Variants in TTC39C observed in about 807,000 individuals in gnomAD.
TTC39C encodes tetratricopeptide repeat protein 39C.
A neutral mutation model predicts 76.3 loss-of-function variants in TTC39C; 33 were observed. The observed-to-expected ratio is 0.43, with a 90% CI of 0.33 to 0.58. The LOEUF (loss-of-function observed/expected upper bound fraction) is 0.58. TTC39C is among the 20% of genes least tolerant of loss of function. The pLI, the probability that TTC39C is intolerant of heterozygous loss-of-function variation, is 0.04. For synonymous variants in TTC39C, 254 were observed against 260.6 expected, an observed-to-expected ratio of 0.97 and a Z score of 0.24; for missense variants, 595 against 701.4, an observed-to-expected ratio of 0.85 and a Z score of 1.71.
chr18:24,000,403 G>C (rs750678191), intron 1 of TTC39C: 10 of 152,258 alleles, frequency 6.6e-5, no homozygotes, highest in Non-Finnish European at 1.5e-4. Flanking sequence ...CAAGGAGAGA[G>C]GCCTGGAACA....
rs2145677086 is a variant in TTC39C at position 24,031,814 on chromosome 18, C to G, written c.167+16776C>G. ...TGGTCCTCCAAAAGGTATCTACTTC[C>G]TAATCTCTAGAATCTCTCAGTGCTA... On this transcript the variant is annotated intron_variant, in intron 1 of 13. Transcript: ENST00000317571. Among the ~76,000 whole-genome samples the G allele has an allele frequency of 2.0e-5, 3 of 152,236 alleles. No homozygotes were observed. The South Asian group carries it at 6.2e-4, about 32-fold the overall frequency.
intron 1 of TTC39C, 72 bp downstream of exon 1, chr18:24,015,110 C>G: frequency 7.5e-7 from 1 of 1,325,644 alleles, no homozygotes; most frequent in East Asian, 3.1e-5. Context: ...CCTCGACCTG[C>G]GGCCCCCGGG....
chr18:24,065,535 A>C (rs1283560049), intron 2 of TTC39C, among the ~76,000 whole-genome samples: 3 of 152,238 alleles, frequency 2.0e-5, no homozygotes, highest in African/African-American at 7.2e-5. Flanking sequence ...ATTCCTTATA[A>C]GTGAACCTAC....
intron 6 of TTC39C, among the ~76,000 whole-genome samples, chr18:24,112,598 G>C (rs1248279054): frequency 6.6e-6 from 1 of 152,020 alleles, no homozygotes. Flanking sequence ...CCTGTCCCTG[G>C]CACATAGCGG....
intron 6 of TTC39C, among the ~76,000 whole-genome samples, chr18:24,083,559 C>T (rs970349992): frequency 2.6e-5 from 4 of 152,146 alleles, no homozygotes; most frequent in African/African-American, 7.2e-5. Flanking sequence ...CTCAGTACTG[C>T]GTTAAGAACT....
intron 1 of TTC39C, among the ~76,000 whole-genome samples, chr18:24,037,286 G>A (rs1364706670): frequency 6.6e-6 from 1 of 152,146 alleles, no homozygotes; most frequent in African/African-American, 2.4e-5. Context: ...TTACTGTATT[G>A]TGTAAAGTGA....
chr18:24,013,184 T>C (rs139796600), upstream of TTC39C: 5 of 152,340 alleles, frequency 3.3e-5, no homozygotes, highest in East Asian at 1.9e-4. Flanking sequence ...TCAGACAGCA[T>C]GAATGCAGTG....
intron 1 of TTC39C, among the ~76,000 whole-genome samples, chr18:24,040,736 C>G (rs2083782889): frequency 6.6e-6 from 1 of 152,128 alleles, no homozygotes; most frequent in Admixed American, 6.5e-5. Flanking sequence ...CTAGCGCGCT[C>G]TCTCTCTGAC....
chr18:24,068,052 C>T (rs1364344499), intron 3 of TTC39C, among the ~76,000 whole-genome samples: 1 of 152,150 alleles, frequency 6.6e-6, no homozygotes, highest in Non-Finnish European at 1.5e-5. Flanking sequence ...GAGCTTTCTA[C>T]AGTGCATAGT....
chr18:24,058,111 G>A (rs2084040389), intron 1 of TTC39C, among the ~76,000 whole-genome samples: 1 of 152,172 alleles, frequency 6.6e-6, no homozygotes, highest in African/African-American at 2.4e-5. Flanking sequence ...GCTAAACACT[G>A]AGTGCACTTG....
chr18:24,046,280 T>C (rs2083884402), intron 1 of TTC39C, among the ~76,000 whole-genome samples: 1 of 151,718 alleles, frequency 6.6e-6, no homozygotes, highest in African/African-American at 2.4e-5. Flanking sequence ...ACTTCTTACT[T>C]GTATCCTGCC....
intron 1 of TTC39C, among the ~76,000 whole-genome samples, chr18:23,997,583 A>G (rs1388577750): frequency 4.0e-5 from 6 of 148,426 alleles, no homozygotes; most frequent in Non-Finnish European, 7.4e-5. Flanking sequence ...AAAGAGAAAG[A>G]AAGAAAGAAA....
intron 6 of TTC39C, among the ~76,000 whole-genome samples, chr18:24,089,687 T>C (rs2084493744): frequency 6.6e-6 from 1 of 152,190 alleles, no homozygotes; most frequent in South Asian, 2.1e-4. Context: ...CCTAAGCTTA[T>C]TATGTGTGCC....
In TTC39C at chr18:24,015,518, G is replaced by T. The variant is rs544492700; in HGVS notation, c.167+480G>T. Among the ~76,000 whole-genome samples, 3 of 152,372 alleles carry T rather than the reference G, an allele frequency of 2.0e-5. No individual in the cohort carries two copies. In the South Asian group the frequency reaches 6.2e-4, roughly 32 times the overall value. On this transcript the variant is annotated intron_variant, in intron 1 of 13. Coordinates refer to ENST00000317571, the MANE Select transcript of TTC39C (RefSeq NM_001135993.2). ...GCGCCTCGCATGGCTCTGCAACATTGTGCAATTCCAGACGCTTTTATTGTT... is the reference window on the plus strand; with the variant it reads ...GCGCCTCGCATGGCTCTGCAACATTTTGCAATTCCAGACGCTTTTATTGTT...
intron 4 of TTC39C, among the ~76,000 whole-genome samples, chr18:24,069,570 A>C (rs771773376): frequency 6.6e-6 from 1 of 152,192 alleles, no homozygotes; most frequent in Non-Finnish European, 1.5e-5. Context: ...CTTTGTGGGA[A>C]TCAGGTTGTG....
At chr18:24,060,692 T>C (rs17259597) in intron 1 of TTC39C, among the ~76,000 whole-genome samples, 10,093 of 152,276 alleles carry the variant, frequency 0.066, 676 homozygotes, top group East Asian at 0.34. Flanking sequence ...AAAAGTTTAT[T>C]TCATCCTTTT....
At chr18:24,114,701 AT>A in intron 7 of TTC39C, 54 bp downstream of exon 7, 1 of 1,406,414 alleles carries the variant, frequency 7.1e-7, no homozygotes, top group Non-Finnish European at 1.0e-6. Context: ...TTAATGCAGT[AT>A]TTTAGCTTTC....
At chr18:24,062,776 G>GAC (rs2084115923) in intron 1 of TTC39C, among the ~76,000 whole-genome samples, 2 of 152,128 alleles carry the variant, frequency 1.3e-5, no homozygotes, top group Admixed American at 6.5e-5. Context: ...GTCTTTCTCT[G>GAC]ACACACACAC....
rs201053284 is a variant in TTC39C at position 24,019,915 on chromosome 18, C to T, written c.167+4877C>T. On this transcript the variant is annotated intron_variant, in intron 1 of 13. Coordinates refer to ENST00000317571, the MANE Select transcript of TTC39C (RefSeq NM_001135993.2). ...AGCGCTTCCTGGAGAAACTCAAAGG[C>T]GCTTGTAAGAGATGTTGAGTCAGCA... 229 of 1,522,624 alleles carry T rather than the reference C, an allele frequency of 1.5e-4. No individual in the cohort carries two copies. In the Middle Eastern group the frequency reaches 2.5e-3, roughly 17 times the overall value. 94.3% of individuals were successfully genotyped at this position (1,522,624 alleles called of 1,614,324 possible).
Sources: gnomAD v4.1 joint callset for allele counts (sites outside exome capture counted in the v4.1 genomes callset) on GRCh38, gnomAD v4.1.1 for gene constraint, MANE v1.5 for transcripts, NCBI Gene and HGNC (gene_info 2026-07-23, HGNC 2026-07-21) for gene names.